The following MBD5 variants were observed in gnomAD, a reference collection of about 807,000 sequenced individuals.
The protein encoded by MBD5 is methyl-CpG binding domain protein 5.
In MBD5, 13 loss-of-function variants were observed where a neutral mutation model predicts 117.3. The observed-to-expected ratio is 0.11, with a 90% CI of 0.07 to 0.18. MBD5 has a LOEUF of 0.18. MBD5 is among the 10% of genes least tolerant of loss of function. MBD5 has a pLI of 1.00. For missense variants in MBD5, 1,879 were observed against 2,093.8 expected (o/e 0.90, Z 2.00); for synonymous variants, 727 against 766.4 (o/e 0.95, Z 0.85).
chr2:148,464,785 C>G (rs1707204256), intron 7 of MBD5, among the ~76,000 whole-genome samples: 1 of 129,498 alleles, frequency 7.7e-6, no homozygotes, highest in Non-Finnish European at 1.6e-5. Context: ...ACAGCAAGAC[C>G]TGTCTCTAAA....
intron 1 of MBD5, among the ~76,000 whole-genome samples, chr2:148,126,977 CT>C (rs373037152): frequency 0.43 from 55,589 of 130,482 alleles, 11,223 homozygotes; most frequent in Middle Eastern, 0.52. Flanking sequence ...TTTTTTCTTT[CT>C]TTTTTTTTTT....
intron 3 of MBD5, among the ~76,000 whole-genome samples, chr2:148,260,007 G>A (rs116149786): frequency 0.013 from 1,959 of 152,262 alleles, 36 homozygotes; most frequent in African/African-American, 0.044. Flanking sequence ...CCTCAATGTC[G>A]ACATCTGCTG....
At chr2:148,303,091 G>A (rs1701812383) in intron 3 of MBD5, among the ~76,000 whole-genome samples, 1 of 151,950 alleles carries the variant, frequency 6.6e-6, no homozygotes, top group African/African-American at 2.4e-5. Flanking sequence ...TTGCCAGATT[G>A]CTAATGGCCA....
chr2:148,385,854 G>A (rs1424412112), intron 4 of MBD5, among the ~76,000 whole-genome samples: 5 of 150,436 alleles, frequency 3.3e-5, no homozygotes, highest in South Asian at 2.1e-4. Context: ...GCAATCTATC[G>A]CAAGGACAAA....
chr2:148,314,084 C>T (rs944954679), intron 3 of MBD5, among the ~76,000 whole-genome samples: 8 of 151,870 alleles, frequency 5.3e-5, no homozygotes, highest in African/African-American at 1.7e-4. Context: ...TATTCCTATT[C>T]GGTCATCTTG....
At chr2:148,293,787 G>C (rs1191969941) in intron 3 of MBD5, among the ~76,000 whole-genome samples, 1 of 152,156 alleles carries the variant, frequency 6.6e-6, no homozygotes, top group East Asian at 1.9e-4. Context: ...GGTTGAGGAA[G>C]TGCCCTTCTA....
At chr2:148,392,337 C>G (rs1028267053) in intron 4 of MBD5, among the ~76,000 whole-genome samples, 4 of 152,138 alleles carry the variant, frequency 2.6e-5, no homozygotes, top group Non-Finnish European at 4.4e-5. Context: ...TATTATAGAT[C>G]AGTGTTTTTC....
chr2:148,426,158 A>G (rs1377079474), intron 4 of MBD5, among the ~76,000 whole-genome samples: 1 of 152,248 alleles, frequency 6.6e-6, no homozygotes, highest in Non-Finnish European at 1.5e-5. Flanking sequence ...AAGAGGATAC[A>G]AACAAGTGGA....
At chr2:148,435,323 C>T (rs1706122187) in intron 4 of MBD5, among the ~76,000 whole-genome samples, 1 of 152,042 alleles carries the variant, frequency 6.6e-6, no homozygotes, top group Non-Finnish European at 1.5e-5. Context: ...GCTGGTTATG[C>T]AGATTTGTTT....
chr2:148,410,889 A>G (rs572557129), intron 4 of MBD5, among the ~76,000 whole-genome samples: 3 of 152,324 alleles, frequency 2.0e-5, no homozygotes, highest in African/African-American at 7.2e-5. Flanking sequence ...TCAGGGGTAC[A>G]TGTGCAGGTT....
At position 148,483,554 on chromosome 2, in the gene MBD5, T is replaced by C; in HGVS notation, c.2963T>C (p.Leu988Pro). 6.3e-7 allele frequency: 1 copy of C among 1,579,932 alleles called. No homozygotes were observed. Among genetic ancestry groups the C allele is most frequent in the Non-Finnish European group, 8.6e-7 (1 of 1,162,612 alleles). Residue 988 changes from leucine (L) to proline (P), a missense_variant, in exon 9 of 14, where the codon CTC becomes CCC. Leu to Pro is a moderately conservative substitution (Grantham distance 98). Transcript: ENST00000642680. ...GTATTGCAGCCTGTTCACTTTCAGC[T>C]CTTAGCAGCCTTGCTTCAGAACCAA... ...GQVLQPVHFQ[L>P]LAALLQNQAQ... is the part of the protein sequence containing the mutation.
intron 13 of MBD5, among the ~76,000 whole-genome samples, chr2:148,511,552 A>G (rs898417262): frequency 1.2e-4 from 18 of 152,238 alleles, no homozygotes; most frequent in African/African-American, 4.3e-4. Context: ...TTTTCATATA[A>G]AACTAGAAGT....
intron 1 of MBD5, among the ~76,000 whole-genome samples, chr2:148,114,252 A>G (rs181320882): frequency 6.6e-6 from 1 of 152,280 alleles, no homozygotes; most frequent in Non-Finnish European, 1.5e-5. Context: ...AGGCGGGATC[A>G]CAAGGTCAGG....
chr2:148,116,340 G>T (rs929682981), intron 1 of MBD5, among the ~76,000 whole-genome samples: 1 of 152,118 alleles, frequency 6.6e-6, no homozygotes, highest in African/African-American at 2.4e-5. Flanking sequence ...GCAGGGGATT[G>T]TCCCTCAACA....
chr2:148,336,465 C>T (rs1452649015), intron 3 of MBD5, among the ~76,000 whole-genome samples: 1 of 152,152 alleles, frequency 6.6e-6, no homozygotes, highest in Non-Finnish European at 1.5e-5. Flanking sequence ...TGGCTCGCTG[C>T]AACCTCCACC....
intron 2 of MBD5, among the ~76,000 whole-genome samples, chr2:148,190,922 C>G (rs1263673337): frequency 7.5e-6 from 1 of 134,072 alleles, no homozygotes; most frequent in Admixed American, 7.6e-5. Flanking sequence ...ATCTACCAAG[C>G]AAATGGAAAA....
At chr2:148,200,745 AC>A (rs1699117164) in intron 2 of MBD5, among the ~76,000 whole-genome samples, 1 of 151,904 alleles carries the variant, frequency 6.6e-6, no homozygotes. Flanking sequence ...AAAAAAAAAG[AC>A]ATTATACGTA....
rs1681324168 is a variant in MBD5, at chr2:148,485,892, C to A, written c.3695C>A (p.Ser1232Tyr). ...YQNLQAFQGQ[S>Y]TIPCPANNNP... is the part of the protein sequence containing the mutation. ...AATCTCCAGGCGTTCCAAGGACAGT[C>A]CACAATTCCTTGCCCAGCTAACAAT... is the stretch of plus-strand genomic sequence containing the variant. The change falls in exon 10 of 14, where the codon TCC becomes TAC. Residue 1232 changes from serine to tyrosine, a missense_variant. Transcript: ENST00000642680. The A allele has an allele frequency of 2.5e-6, 4 of 1,613,992 alleles. No individual in the cohort carries two copies. The African/African-American group carries it at 5.3e-5, about 22-fold the overall frequency.
chr2:148,201,344 C>T (rs6719543), intron 2 of MBD5, among the ~76,000 whole-genome samples: 7,086 of 152,218 alleles, frequency 0.047, 178 homozygotes, highest in Middle Eastern at 0.068. Flanking sequence ...GGTCTCCGGA[C>T]GAGGGAAACA....
Sources: allele counts gnomAD v4.1 joint callset (sites outside exome capture counted in the v4.1 genomes callset), GRCh38; gene constraint gnomAD v4.1.1; transcripts MANE v1.5; gene names NCBI Gene and HGNC (gene_info 2026-07-23, HGNC 2026-07-21).